The following EBF2 variants were observed in gnomAD, a reference collection of about 807,000 sequenced individuals.
EBF2 encodes EBF transcription factor 2.
Under a neutral mutation model 72.8 loss-of-function variants are expected in EBF2, and 21 were observed. The ratio of observed to expected loss-of-function variants is 0.29; its 90% CI spans 0.20 to 0.42. The LOEUF is 0.42. Ranked by LOEUF, EBF2 falls within the 10% of genes least tolerant of loss-of-function variation. EBF2 has a pLI of 1.00. For synonymous variants in EBF2, 299 were observed against 274.2 expected (o/e 1.09, Z -0.89); for missense variants, 637 against 731.2 (o/e 0.87, Z 1.49).
At chr8:25,875,439 T>C (rs75855371) in intron 10 of EBF2, among the ~76,000 whole-genome samples, 79 of 152,330 alleles carry the variant, frequency 5.2e-4, no homozygotes, top group African/African-American at 1.7e-3. Context: ...CTCTCTTCTA[T>C]ACAACAGACT....
intron 6 of EBF2, among the ~76,000 whole-genome samples, chr8:25,948,037 C>T (rs1563410231): frequency 6.6e-6 from 1 of 152,172 alleles, no homozygotes; most frequent in Non-Finnish European, 1.5e-5. Flanking sequence ...ACGCACGATG[C>T]CAGAAGTTTC....
intron 10 of EBF2, among the ~76,000 whole-genome samples, chr8:25,880,321 C>A (rs915589647): frequency 6.6e-6 from 1 of 152,138 alleles, no homozygotes; most frequent in Non-Finnish European, 1.5e-5. Flanking sequence ...GTTCACAAGT[C>A]TCAAAATGAT....
chr8:25,852,534 T>C lies in EBF2; in HGVS notation c.1529-1773A>G, dbSNP rs1014839933. On this transcript the variant is annotated intron_variant, in intron 14 of 15. Transcript: ENST00000520164. Reference sequence around the variant, plus strand: ...CACACACACTCCATTCCATTTATATTCAGCAAATGACTCACTAGTACAGAT... The same window carrying C: ...CACACACACTCCATTCCATTTATATCCAGCAAATGACTCACTAGTACAGAT... 6.6e-5 allele frequency among the ~76,000 whole-genome samples: 10 copies of C among 152,126 alleles called. 1 individual carries two copies. The highest frequency in any genetic ancestry group is 2.0e-4 in the Admixed American group (3 of 15,272).
At chr8:25,990,305 CATAATA>C (rs1804524259) in intron 6 of EBF2, among the ~76,000 whole-genome samples, 1 of 151,962 alleles carries the variant, frequency 6.6e-6, no homozygotes, top group African/African-American at 2.4e-5. Flanking sequence ...TGTTATATTA[CATAATA>C]ATAAGAAAGG....
intron 6 of EBF2, among the ~76,000 whole-genome samples, chr8:26,012,986 T>TA (rs1661890457): frequency 6.6e-6 from 1 of 152,048 alleles, no homozygotes; most frequent in Non-Finnish European, 1.5e-5. Context: ...TAGTGGGAGT[T>TA]GGTGGGGGAT....
Position 26,007,420 on chromosome 8 carries a change from G to A in EBF2, c.551+25665C>T, listed in dbSNP as rs193023797. 5.6e-4 allele frequency among the ~76,000 whole-genome samples: 85 copies of A among 152,142 alleles called. 1 individual carries two copies. Among genetic ancestry groups the A allele is most frequent in the Non-Finnish European group, 1.3e-4 (9 of 68,016 alleles). On this transcript the variant is annotated intron_variant, in intron 6 of 15. Coordinates refer to ENST00000520164, the MANE Select transcript of EBF2 (RefSeq NM_022659.4). Reference sequence around the variant, plus strand: ...GCAATTTGTTTCATCATGTTCTCCTGCCAATATTGTCATTTACTGCTTGTT... The same window carrying A: ...GCAATTTGTTTCATCATGTTCTCCTACCAATATTGTCATTTACTGCTTGTT...
At chr8:25,974,700 CAAAAT>C (rs1392275646) in intron 6 of EBF2, among the ~76,000 whole-genome samples, 2 of 152,142 alleles carry the variant, frequency 1.3e-5, no homozygotes, top group Middle Eastern at 3.2e-3. Flanking sequence ...ACTTGGACGG[CAAAAT>C]AATTATGAGT....
intron 6 of EBF2, among the ~76,000 whole-genome samples, chr8:25,941,576 A>T (rs1803671334): frequency 6.6e-6 from 1 of 152,136 alleles, no homozygotes; most frequent in South Asian, 2.1e-4. Flanking sequence ...AGTACCACAG[A>T]TTAGCAAAGG....
At chr8:25,844,779 A>G (rs1801798830) in intron 15 of EBF2, 139 bp from the exon 16 acceptor site, 1 of 1,077,772 alleles carries the variant, frequency 9.3e-7, no homozygotes, top group South Asian at 1.4e-5. Context: ...TGATATGAGG[A>G]CCTGTTCTCC....
intron 10 of EBF2, among the ~76,000 whole-genome samples, chr8:25,877,773 T>G (rs1430575128): frequency 1.3e-5 from 2 of 152,286 alleles, no homozygotes; most frequent in East Asian, 3.9e-4. Flanking sequence ...ACTACTATTG[T>G]GTTCCTGGTG....
At chr8:25,875,341 C>A (rs1447066399) in intron 10 of EBF2, among the ~76,000 whole-genome samples, 3 of 152,174 alleles carry the variant, frequency 2.0e-5, no homozygotes. Flanking sequence ...AGTATATCCT[C>A]ATTTTTAGGT....
At position 25,877,615 on chromosome 8, in the gene EBF2, A is replaced by T. The variant is rs1442415587; in HGVS notation, c.1009+9140T>A. Among the ~76,000 whole-genome samples the T allele has an allele frequency of 2.6e-5, 4 of 152,126 alleles. No individual in the cohort carries two copies. The East Asian group carries it at 7.7e-4, about 29-fold the overall frequency. ...ACCTAATAATGGGCTTGGCTCTGTC[A>T]TGGTGGTGCATCCTTGGATACAGAA... On this transcript the variant is annotated intron_variant, in intron 10 of 15. Coordinates refer to ENST00000520164, the MANE Select transcript of EBF2 (RefSeq NM_022659.4).
At chr8:25,944,703 TATA>T (rs1803736297) in intron 6 of EBF2, among the ~76,000 whole-genome samples, 1 of 147,736 alleles carries the variant, frequency 6.8e-6, no homozygotes. Flanking sequence ...TTATATTATG[TATA>T]ATTATATATA....
chr8:25,984,045 C>A (rs550514970), intron 6 of EBF2, among the ~76,000 whole-genome samples: 1 of 152,184 alleles, frequency 6.6e-6, no homozygotes, highest in Non-Finnish European at 1.5e-5. Context: ...CACATAGCTG[C>A]GGGTACCAAC....
At chr8:25,870,268 G>A (rs1802412104) in intron 10 of EBF2, among the ~76,000 whole-genome samples, 1 of 150,674 alleles carries the variant, frequency 6.6e-6, no homozygotes, top group African/African-American at 2.4e-5. Context: ...TTAGAAATAT[G>A]CACCATTTTG....
At chr8:25,959,489 G>A (rs779979900) in intron 6 of EBF2, among the ~76,000 whole-genome samples, 15 of 152,238 alleles carry the variant, frequency 9.9e-5, no homozygotes, top group Non-Finnish European at 1.9e-4. Context: ...ACAGGCATGA[G>A]CCACAAGGCC....
chr8:26,000,963 C>T (rs572081791), intron 6 of EBF2, among the ~76,000 whole-genome samples: 15 of 152,042 alleles, frequency 9.9e-5, no homozygotes, highest in African/African-American at 2.9e-4. Context: ...TGGAGGTTGG[C>T]GCAAAAATCA....
intron 6 of EBF2, among the ~76,000 whole-genome samples, chr8:25,983,995 T>C (rs1456777809): frequency 6.6e-6 from 1 of 152,218 alleles, no homozygotes; most frequent in African/African-American, 2.4e-5. Context: ...TCCCTCAACA[T>C]TGGCCACCCT....
chr8:26,033,260 TCACCAGG>T, intron 5 of EBF2, 107 bp from the exon 6 acceptor site: 2 of 1,094,282 alleles, frequency 1.8e-6, no homozygotes, highest in Non-Finnish European at 2.7e-6. Context: ...TCTGGCTCTG[TCACCAGG>T]CTGTAGTACA....
Sources: allele counts gnomAD v4.1 joint callset (sites outside exome capture counted in the v4.1 genomes callset), GRCh38; gene constraint gnomAD v4.1.1; transcripts MANE v1.5; gene names NCBI Gene and HGNC (gene_info 2026-07-23, HGNC 2026-07-21).